The following PDE3B variants were observed in gnomAD, a reference collection of about 807,000 sequenced individuals.
PDE3B encodes the protein cGMP-inhibited 3',5'-cyclic phosphodiesterase 3B.
Under a neutral mutation model 116.8 loss-of-function variants are expected in PDE3B, and 66 were observed. That is an observed-to-expected ratio of 0.56 (90% CI 0.46 to 0.69). The LOEUF (loss-of-function observed/expected upper bound fraction) is 0.69. Among genes scored for constraint, PDE3B ranks in the 30% least tolerant of loss-of-function variants. The pLI is 0.00. For synonymous variants in PDE3B, 595 were observed against 533.6 expected, an observed-to-expected ratio of 1.12 and a Z score of -1.59; for missense variants, 1,384 against 1,368.1, an observed-to-expected ratio of 1.01 and a Z score of -0.18.
intron 1 of PDE3B, among the ~76,000 whole-genome samples, chr11:14,722,336 T>C (rs1856140847): frequency 6.7e-6 from 1 of 150,078 alleles, no homozygotes; most frequent in South Asian, 2.1e-4. Flanking sequence ...AGGGGAAAAA[T>C]CTAGGAAAGT....
chr11:14,866,075 A>T (rs1555007994), intron 14 of PDE3B, among the ~76,000 whole-genome samples: 1 of 152,200 alleles, frequency 6.6e-6, no homozygotes, highest in Non-Finnish European at 1.5e-5. Flanking sequence ...TTGATAAAAT[A>T]GGAATGATGG....
chr11:14,726,312 A>G (rs776202904), intron 1 of PDE3B, among the ~76,000 whole-genome samples: 7 of 152,114 alleles, frequency 4.6e-5, no homozygotes, highest in Non-Finnish European at 1.0e-4. Flanking sequence ...TTCCCTCTAG[A>G]ATGCAAAGAC....
intron 1 of PDE3B, among the ~76,000 whole-genome samples, chr11:14,745,414 A>T (rs1397177876): frequency 6.6e-6 from 1 of 152,150 alleles, no homozygotes; most frequent in Non-Finnish European, 1.5e-5. Flanking sequence ...ACACACACAC[A>T]GCAGATCTAA....
At chr11:14,793,846 A>T (rs1253305707) in intron 4 of PDE3B, among the ~76,000 whole-genome samples, 1 of 152,188 alleles carries the variant, frequency 6.6e-6, no homozygotes, top group East Asian at 1.9e-4. Flanking sequence ...CTTATAATTT[A>T]TCAGAGACTT....
intron 7 of PDE3B, among the ~76,000 whole-genome samples, chr11:14,826,812 C>T (rs1387160581): frequency 2.6e-5 from 4 of 151,748 alleles, no homozygotes; most frequent in Non-Finnish European, 5.9e-5. Context: ...TCCCCCAACC[C>T]ATACTATGAG....
chr11:14,891,674 C>A, the PDE3B span: 8 of 1,163,952 alleles, frequency 6.9e-6, 1 homozygote, highest in Admixed American at 3.3e-4. Flanking sequence ...GCGCGGCTGG[C>A]GAGCCAAACG....
intron 5 of PDE3B, among the ~76,000 whole-genome samples, chr11:14,806,338 C>T (rs1858923572): frequency 1.3e-5 from 2 of 150,526 alleles, no homozygotes; most frequent in Non-Finnish European, 3.0e-5. Flanking sequence ...GTTGCAGCTA[C>T]TCGGGAGGCT....
chr11:14,658,634 C>T (rs999333872), intron 1 of PDE3B, among the ~76,000 whole-genome samples: 1 of 152,212 alleles, frequency 6.6e-6, no homozygotes, highest in Non-Finnish European at 1.5e-5. Flanking sequence ...AGATTACAGG[C>T]ATGAGCCACC....
At chr11:14,806,931 T>C (rs1294888182) in intron 5 of PDE3B, among the ~76,000 whole-genome samples, 1 of 140,574 alleles carries the variant, frequency 7.1e-6, no homozygotes, top group Non-Finnish European at 1.5e-5. Flanking sequence ...TATGCAGCCA[T>C]AAAAAAGGAT....
intron 12 of PDE3B, among the ~76,000 whole-genome samples, chr11:14,847,778 A>T (rs1279181265): frequency 1.3e-5 from 2 of 152,218 alleles, no homozygotes; most frequent in Non-Finnish European, 2.9e-5. Flanking sequence ...CCCTCCCAAG[A>T]CTAAACCAGG....
intron 1 of PDE3B, among the ~76,000 whole-genome samples, chr11:14,706,920 T>C (rs564080289): frequency 1.3e-5 from 2 of 152,010 alleles, no homozygotes; most frequent in Admixed American, 6.6e-5. Flanking sequence ...AGTGTCAAGA[T>C]TTCCCCCTTA....
intron 7 of PDE3B, among the ~76,000 whole-genome samples, chr11:14,826,785 T>G (rs1859707344): frequency 1.4e-5 from 1 of 72,932 alleles, no homozygotes; most frequent in South Asian, 6.6e-4. Context: ...TACAAAAAAA[T>G]GAGGAGGAAG....
intron 1 of PDE3B, among the ~76,000 whole-genome samples, chr11:14,662,033 A>T (rs937799763): frequency 6.6e-6 from 1 of 152,152 alleles, no homozygotes; most frequent in Non-Finnish European, 1.5e-5. Context: ...CTGACCCCCG[A>T]GCAGCCTAAC....
intron 14 of PDE3B, among the ~76,000 whole-genome samples, chr11:14,867,166 A>G (rs755331099): frequency 2.6e-5 from 4 of 152,070 alleles, no homozygotes; most frequent in Non-Finnish European, 4.4e-5. Context: ...TGTTTCTATT[A>G]TGCTTTTGCC....
At chr11:14,895,403 A>G in the PDE3B span, among the ~76,000 whole-genome samples, 1 of 152,206 alleles carries the variant, frequency 6.6e-6, no homozygotes, top group African/African-American at 2.4e-5. Flanking sequence ...TTTTGCCTCA[A>G]TTTTGATTTT....
At chr11:14,759,424 A>G (rs1857289939) in intron 1 of PDE3B, among the ~76,000 whole-genome samples, 1 of 152,072 alleles carries the variant, frequency 6.6e-6, no homozygotes, top group South Asian at 2.1e-4. Flanking sequence ...TCTGCACCAC[A>G]TTCCTTTTTA....
At chr11:14,891,683 C>CGGCGCA in the PDE3B span, 41 of 1,177,188 alleles carry the variant, frequency 3.5e-5, no homozygotes, top group South Asian at 4.7e-5. Flanking sequence ...GCGAGCCAAA[C>CGGCGCA]GGCGCAGGCG....
chr11:14,891,758 G>C, the PDE3B span: 1 of 1,377,546 alleles, frequency 7.3e-7, no homozygotes, highest in Non-Finnish European at 9.4e-7. Context: ...CCTCGGCCCG[G>C]AGTGGGTCAC....
intron 8 of PDE3B, 59 bp downstream of exon 8, chr11:14,830,905 G>T: frequency 8.7e-7 from 1 of 1,142,872 alleles, no homozygotes; most frequent in Non-Finnish European, 1.2e-6. Flanking sequence ...TGTTAGTACT[G>T]GTTTCATTAC....
Sources: gnomAD v4.1 joint callset for allele counts (sites outside exome capture counted in the v4.1 genomes callset) on GRCh38, gnomAD v4.1.1 for gene constraint, MANE v1.5 for transcripts, NCBI Gene and HGNC (gene_info 2026-07-23, HGNC 2026-07-21) for gene names.